The following ADAMTSL4 variants were observed in gnomAD, a reference collection of about 807,000 sequenced individuals.
ADAMTSL4 encodes ADAMTS-like protein 4.
ADAMTSL4 carries 97 observed loss-of-function variants against 122.8 expected under a neutral mutation model. The ratio of observed to expected loss-of-function variants is 0.79; its 90% CI spans 0.67 to 0.93. The LOEUF (loss-of-function observed/expected upper bound fraction) is 0.93, where lower values mean the gene tolerates loss of function less well. ADAMTSL4 is among the 40% of genes least tolerant of loss of function. ADAMTSL4 has a pLI of 0.00. For missense variants in ADAMTSL4, 1,408 were observed against 1,453.5 expected, an observed-to-expected ratio of 0.97 and a Z score of 0.51; for synonymous variants, 592 against 568.0, an observed-to-expected ratio of 1.04 and a Z score of -0.60.
chr1:150,554,851 A>G lies in ADAMTSL4; in HGVS notation c.1234+384A>G, dbSNP rs1671850758. The G allele has an allele frequency of 1.7e-6, 1 of 595,856 alleles. No individual in the cohort carries two copies. The highest frequency in any genetic ancestry group is 3.0e-6 in the Non-Finnish European group (1 of 337,098). 36.9% of individuals were successfully genotyped at this position (595,856 alleles called of 1,614,324 possible). ...TTGCTCCCAGGTTACCATCCGCTTC[A>G]TTTTAGGCCTGTGTTAACTTGACAC... On this transcript the variant is annotated intron_variant, in intron 7 of 18. Coordinates refer to ENST00000271643, the MANE Select transcript of ADAMTSL4 (RefSeq NM_019032.6). The surrounding 1 kb of genome is among the most constrained non-coding windows in gnomAD (Gnocchi z 4.0).
At position 150,559,346 on chromosome 1, in the gene ADAMTSL4, G is replaced by C; in HGVS notation, c.2823G>C (p.Leu941=). 1 of 1,614,010 alleles carries C rather than the reference G, an allele frequency of 6.2e-7. No homozygotes were observed. Residue 941 remains leucine (L), a synonymous_variant, in exon 17 of 19, where the codon CTG becomes CTC. Coordinates refer to ENST00000271643, the MANE Select transcript of ADAMTSL4 (RefSeq NM_019032.6). The surrounding 1 kb of genome is among the most constrained non-coding windows in gnomAD (Gnocchi z 4.1). ...GAGACATCATCTGTGTATCCAAACT[G>C]GGGACGGAGTTCAACGTGACTTCTC... The part of the protein sequence containing the change: ...QRRDIICVSK[L]GTEFNVTSPS...
intron 2 of ADAMTSL4, chr1:150,551,102 G>T (rs1671365810): frequency 4.7e-6 from 2 of 428,864 alleles, no homozygotes; most frequent in Middle Eastern, 9.7e-4. Flanking sequence ...GGCTGGGGTG[G>T]CTTCCAAGCC....
chr1:150,550,307 C>G (rs976187845), intron 2 of ADAMTSL4: 1 of 447,166 alleles, frequency 2.2e-6, no homozygotes, highest in Non-Finnish European at 4.4e-6. Flanking sequence ...TGTGTTTCTG[C>G]AGAGGAGGGG....
chr1:150,559,301 T>TG lies in ADAMTSL4; in HGVS notation c.2780dup (p.Ser928LeufsTer6). The TG allele has an allele frequency of 6.2e-7, 1 of 1,614,058 alleles. No homozygotes were observed. The highest frequency in any genetic ancestry group is 8.5e-7 in the Non-Finnish European group (1 of 1,180,000). On this transcript the variant is annotated frameshift_variant, in exon 17 of 19. Transcript: ENST00000271643. LOFTEE classifies it high-confidence loss of function. The surrounding 1 kb of genome is among the most constrained non-coding windows in gnomAD (Gnocchi z 4.1). ...CCCTACACTAGTGCTCCTCCGAATG[T>TG]GGCTCTGGCACACAGCGTAGAGACA...
intron 12 of ADAMTSL4, 24 bp downstream of exon 12, chr1:150,557,359 C>T (rs142366052): frequency 9.4e-5 from 151 of 1,604,478 alleles, no homozygotes; most frequent in Admixed American, 1.7e-4. Context: ...GTGCGTTCCC[C>T]GCATCTCGGT....
In ADAMTSL4 at chr1:150,559,293, T is replaced by C. The variant is rs1023927716; in HGVS notation, c.2770T>C (p.Ser924Pro). 1 of 1,613,900 alleles carries C rather than the reference T, an allele frequency of 6.2e-7. No homozygotes were observed. Among genetic ancestry groups the C allele is most frequent in the Admixed American group, 1.7e-5 (1 of 60,022 alleles). The change falls in exon 17 of 19, where the codon TCC becomes CCC. Residue 924 changes from serine to proline, a missense_variant. Ser to Pro is a moderately conservative substitution (Grantham distance 74). Transcript: ENST00000271643. The surrounding 1 kb of genome is among the most constrained non-coding windows in gnomAD (Gnocchi z 4.1). ...WYTGPWGECS[S>P]ECGSGTQRRD... ...TGCCCTCCCCCTACACTAGTGCTCCTCCGAATGTGGCTCTGGCACACAGCG... is the reference window on the plus strand; with the variant it reads ...TGCCCTCCCCCTACACTAGTGCTCCCCCGAATGTGGCTCTGGCACACAGCG...
rs587722382 is a variant in ADAMTSL4, at chr1:150,556,642, G to A, written c.1598G>A (p.Arg533Gln). Reference protein sequence around the residue: ...NYLALRGPGGRSIINGNWAVD... With the variant: ...NYLALRGPGGQSIINGNWAVD... The stretch of plus-strand genomic sequence containing the variant: ...GCAGCACTTCGTGGCCCTGGGGGCC[G>A]GTCCATCATCAATGGGAACTGGGCT... The change falls in exon 10 of 19, where the codon CGG (arginine) becomes CAG (glutamine). Residue 533 changes from arginine to glutamine, a missense_variant. Coordinates refer to ENST00000271643, the MANE Select transcript of ADAMTSL4 (RefSeq NM_019032.6). The surrounding 1 kb of genome is among the most constrained non-coding windows in gnomAD (Gnocchi z 4.1). The A allele has an allele frequency of 5.1e-5, 82 of 1,613,998 alleles. No individual in the cohort carries two copies. The highest frequency in any genetic ancestry group is 8.9e-5 in the East Asian group (4 of 44,862).
intron 8 of ADAMTSL4, 34 bp downstream of exon 8, chr1:150,555,599 A>G (rs1671953183): frequency 6.4e-7 from 1 of 1,571,532 alleles, no homozygotes; most frequent in Non-Finnish European, 8.6e-7. Context: ...GCACACACAC[A>G]TGCATATGCA....
chr1:150,552,731 G>T lies in ADAMTSL4; in HGVS notation c.78+131G>T. The T allele has an allele frequency of 7.4e-7, 1 of 1,344,168 alleles. No individual in the cohort carries two copies. Among genetic ancestry groups the T allele is most frequent in the Non-Finnish European group, 1.0e-6 (1 of 960,442 alleles). The allele number at this position is 1,344,168 out of a possible 1,614,324, so 83.3% of individuals were successfully genotyped here. A position where few individuals can be genotyped will look rare whatever the true frequency, so the allele number is the denominator to read the frequency against. Reference sequence around the variant, plus strand: ...ACCCACCTCCCCTGCCAACTCCCCAGTTCCTTGCCTCATAACACCAAGAGG... The same window carrying T: ...ACCCACCTCCCCTGCCAACTCCCCATTTCCTTGCCTCATAACACCAAGAGG... On this transcript the variant is annotated intron_variant, in intron 4 of 18. Transcript: ENST00000271643. The surrounding 1 kb of genome is among the most constrained non-coding windows in gnomAD (Gnocchi z 4.0).
chr1:150,553,376 G>A (rs751919942), intron 5 of ADAMTSL4, 50 bp from the exon 6 acceptor site: 4 of 1,609,656 alleles, frequency 2.5e-6, no homozygotes, highest in Non-Finnish European at 3.4e-6. Context: ...TGGGGAAACA[G>A]GGTCAGAGGT....
chr1:150,557,209 A>G lies in ADAMTSL4; in HGVS notation c.1921A>G (p.Thr641Ala), dbSNP rs1672235546. The change falls in exon 12 of 19, where the codon ACC becomes GCC. Residue 641 changes from threonine (T) to alanine (A), a missense_variant. Transcript: ENST00000271643. ...PAPRPARTPG[T>A]LQRQVRIPQM... ...ACCCCGCCCAGCCCGGACCCCAGGC[A>G]CCCTCCAGCGTCAGGTGCGGATCCC... 1 of 1,610,302 alleles carries G rather than the reference A, an allele frequency of 6.2e-7. No individual in the cohort carries two copies. Among genetic ancestry groups the G allele is most frequent in the Non-Finnish European group, 8.5e-7 (1 of 1,179,182 alleles).
At position 150,560,125 on chromosome 1, in the gene ADAMTSL4, C is replaced by T. The variant is rs771986785; in HGVS notation, c.3154C>T (p.Pro1052Ser). Reference sequence around the variant, plus strand: ...GGTACAGGCCCGGCTCTGCGTCTACCCCTACTACACAGCCACCTGTTGCCG... The same window carrying T: ...GGTACAGGCCCGGCTCTGCGTCTACTCCTACTACACAGCCACCTGTTGCCG... ...LVVQARLCVY[P>S]YYTATCCRSC... The change falls in exon 19 of 19, where the codon CCC becomes TCC. Residue 1052 changes from proline to serine, a missense_variant. Transcript: ENST00000271643. The T allele has an allele frequency of 4.3e-6, 7 of 1,614,004 alleles. No homozygotes were observed. Among genetic ancestry groups the T allele is most frequent in the Non-Finnish European group, 5.1e-6 (6 of 1,180,028 alleles).
chr1:150,553,664 TC>T lies in ADAMTSL4; in HGVS notation c.679del (p.Gln227LysfsTer5), dbSNP rs768188442. On this transcript the variant is annotated frameshift_variant, in exon 6 of 19. Transcript: ENST00000271643. LOFTEE classifies it high-confidence loss of function. ...CACAGAACTGTCTGTCCACACCCCA[TC>T]CCCCCAAGCAGAACCTCTAAGCCCT... ...PPTELSVHTP[S>X]PQAEPLSPET... 2 of 1,586,554 alleles carry T rather than the reference TC, an allele frequency of 1.3e-6. No individual in the cohort carries two copies. The highest frequency in any genetic ancestry group is 1.7e-5 in the Admixed American group (1 of 58,516).
At chr1:150,555,881 A>G (rs941761921) in intron 8 of ADAMTSL4, 1 of 603,346 alleles carries the variant, frequency 1.7e-6, no homozygotes, top group South Asian at 1.9e-5. Context: ...GCACACATGC[A>G]CACACACGTA....
Position 150,556,860 on chromosome 1 carries a change from G to A in ADAMTSL4, c.1749+67G>A, listed in dbSNP as rs1236662412. ...GCTGTTCCCTCTGGGCAGAGCTGTG[G>A]TTGTCAAGATGGGAGAGAGAGCTGG... On this transcript the variant is annotated intron_variant, in intron 10 of 18. Coordinates refer to ENST00000271643, the MANE Select transcript of ADAMTSL4 (RefSeq NM_019032.6). This position sits in a 1 kb window ranked among gnomAD's most constrained non-coding sequence, Gnocchi z 4.1. 1 of 1,612,658 alleles carries A rather than the reference G, an allele frequency of 6.2e-7. No homozygotes were observed. Among genetic ancestry groups the A allele is most frequent in the East Asian group, 2.2e-5 (1 of 44,876 alleles).
At chr1:150,553,319 A>G in intron 5 of ADAMTSL4, 66 bp downstream of exon 5, 1 of 1,605,224 alleles carries the variant, frequency 6.2e-7, no homozygotes, top group South Asian at 1.1e-5. Flanking sequence ...AGGAAAGGGG[A>G]GCACGGGTGG....
At position 150,553,466 on chromosome 1, in the gene ADAMTSL4, T is replaced by C. The variant is rs138212692; in HGVS notation, c.475T>C (p.Tyr159His). 1.6e-5 allele frequency: 26 copies of C among 1,613,776 alleles called. No homozygotes were observed. Among genetic ancestry groups the C allele is most frequent in the Non-Finnish European group, 2.0e-5 (24 of 1,179,924 alleles). Residue 159 changes from tyrosine to histidine, a missense_variant, in exon 6 of 19, where the codon TAT (tyrosine) becomes CAT (histidine). Tyr to His is a moderately conservative substitution (Grantham distance 83). Transcript: ENST00000271643. ...CCCCATCAAGCCAGGAATGTTCGGT[T>C]ATGGGAGAGTGCCCTTTGCATTGCC... Reference protein sequence around the residue: ...RDPIKPGMFGYGRVPFALPLH... With the variant: ...RDPIKPGMFGHGRVPFALPLH...
rs1479026538 is a variant in ADAMTSL4, at chr1:150,559,303, G to T, written c.2780G>T (p.Gly927Val). 2.5e-6 allele frequency: 4 copies of T among 1,613,940 alleles called. No individual in the cohort carries two copies. The highest frequency in any genetic ancestry group is 3.3e-4 in the Middle Eastern group (2 of 6,084). ...CTACACTAGTGCTCCTCCGAATGTG[G>T]CTCTGGCACACAGCGTAGAGACATC... is the stretch of plus-strand genomic sequence containing the variant. ...GPWGECSSEC[G>V]SGTQRRDIIC... Residue 927 changes from glycine (G) to valine (V), a missense_variant, in exon 17 of 19, where the codon GGC (glycine) becomes GTC (valine). By Grantham distance (109) the Gly-to-Val change is moderately radical (BLOSUM62 -3). Coordinates refer to ENST00000271643, the MANE Select transcript of ADAMTSL4 (RefSeq NM_019032.6). The surrounding 1 kb of genome is among the most constrained non-coding windows in gnomAD (Gnocchi z 4.1).
At chr1:150,555,955 T>C (rs1570943197) in intron 8 of ADAMTSL4, 2 of 628,718 alleles carry the variant, frequency 3.2e-6, no homozygotes, top group East Asian at 5.5e-5. Flanking sequence ...AATTCTCACC[T>C]GCCAAGCTGC....
Sources: gnomAD v4.1 joint callset for allele counts on GRCh38, gnomAD v4.1.1 for gene constraint, Gnocchi (gnomAD v3.1) non-coding constraint, MANE v1.5 for transcripts, NCBI Gene and HGNC (gene_info 2026-07-23, HGNC 2026-07-21) for gene names.